Variants in MYOM2 observed in about 807,000 individuals in gnomAD.
MYOM2 encodes myomesin 2.
Under a neutral mutation model 187.6 loss-of-function variants are expected in MYOM2, and 254 were observed. The ratio of observed to expected loss-of-function variants is 1.35; its 90% CI spans 1.22 to 1.50. MYOM2 has a LOEUF of 1.50. Among genes scored for constraint, MYOM2 ranks in the 40% most tolerant of loss-of-function variants. The pLI, the probability that MYOM2 is intolerant of heterozygous loss-of-function variation, is 0.00. For missense variants in MYOM2, 2,796 were observed against 1,924.0 expected (o/e 1.45, Z -8.48); for synonymous variants, 981 against 753.8 (o/e 1.30, Z -4.94).
intron 27 of MYOM2, 80 bp from the exon 28 acceptor site, chr8:2,117,805 G>GTA (rs148658635): frequency 1.3e-4 from 111 of 868,742 alleles, no homozygotes; most frequent in South Asian, 1.8e-4. Flanking sequence ...ATATGTGTGG[G>GTA]TATATATATA....
chr8:2,124,091 T>C lies in MYOM2; in HGVS notation c.3656-88T>C, dbSNP rs1472509044. ...TCATTTTTCAACTGAACATCACAAT[T>C]TCCTGCATCGATTTAATTAAACATT... On this transcript the variant is annotated intron_variant, in intron 30 of 36. Transcript: ENST00000262113. 58 of 1,310,766 alleles carry C rather than the reference T, an allele frequency of 4.4e-5. No individual in the cohort carries two copies. In the East Asian group the frequency reaches 1.4e-3, roughly 31 times the overall value. The allele number at this position is 1,310,766 out of a possible 1,614,324, so 81.2% of individuals were successfully genotyped here.
At chr8:2,045,834 A>G (rs1156422571) in intron 1 of MYOM2, among the ~76,000 whole-genome samples, 1 of 152,146 alleles carries the variant, frequency 6.6e-6, no homozygotes, top group East Asian at 1.9e-4. Context: ...CCTGCTGGAG[A>G]AAGACAGTGG....
chr8:2,127,494 T>A (rs965723203), intron 31 of MYOM2, among the ~76,000 whole-genome samples: 3 of 152,226 alleles, frequency 2.0e-5, no homozygotes, highest in African/African-American at 7.2e-5. Context: ...TCCTCCCCTG[T>A]TGTCCCTCAG....
At position 2,140,847 on chromosome 8, in the gene MYOM2, A is replaced by C; in HGVS notation, c.3925A>C (p.Lys1309Gln). 6.2e-7 allele frequency: 1 copy of C among 1,614,156 alleles called. No individual in the cohort carries two copies. Among genetic ancestry groups the C allele is most frequent in the East Asian group, 2.2e-5 (1 of 44,886 alleles). Reference sequence around the variant, plus strand: ...ATACACTTTTGAGATTTTCGATGGCAAAGACAACCATCAACGCTCCCTTGA... The same window carrying C: ...ATACACTTTTGAGATTTTCGATGGCCAAGACAACCATCAACGCTCCCTTGA... The part of the protein sequence containing the change: ...GKYTFEIFDG[K>Q]DNHQRSLDLS... Residue 1309 changes from lysine to glutamine, a missense_variant, in exon 33 of 37, where the codon AAA (lysine) becomes CAA (glutamine). By Grantham distance (53) the Lys-to-Gln change is moderately conservative (BLOSUM62 1). Coordinates refer to ENST00000262113, the MANE Select transcript of MYOM2 (RefSeq NM_003970.4).
intron 31 of MYOM2, among the ~76,000 whole-genome samples, chr8:2,125,604 C>CTTTTTTT (rs35137852): frequency 1.5e-4 from 13 of 89,300 alleles, no homozygotes; most frequent in African/African-American, 2.1e-4. Flanking sequence ...ATTATTTTTC[C>CTTTTTTT]TTTTTTTTTT....
At chr8:2,137,050 T>A (rs3779824) in intron 32 of MYOM2, among the ~76,000 whole-genome samples, 1 of 151,672 alleles carries the variant, frequency 6.6e-6, no homozygotes, top group African/African-American at 2.4e-5. Context: ...CACGGAAGAA[T>A]TTCTAGTCTC....
intron 21 of MYOM2, 106 bp downstream of exon 21, chr8:2,102,887 G>A (rs899776296): frequency 6.9e-6 from 6 of 869,912 alleles, no homozygotes; most frequent in African/African-American, 6.6e-5. Flanking sequence ...GTGGGAGAGT[G>A]AACACGTGTT....
intron 17 of MYOM2, among the ~76,000 whole-genome samples, chr8:2,094,300 A>T (rs1259306117): frequency 6.6e-6 from 1 of 152,102 alleles, no homozygotes; most frequent in African/African-American, 2.4e-5. Context: ...TAATACACTA[A>T]TAAAACGCAA....
chr8:2,098,408 G>C (rs1489845244), intron 18 of MYOM2, among the ~76,000 whole-genome samples: 1 of 152,164 alleles, frequency 6.6e-6, no homozygotes, highest in Non-Finnish European at 1.5e-5. Context: ...TCCAAGTATG[G>C]GGGACGTGGT....
chr8:2,053,995 CTAT>C (rs1818574901), intron 3 of MYOM2, among the ~76,000 whole-genome samples: 2 of 152,164 alleles, frequency 1.3e-5, no homozygotes, highest in African/African-American at 4.8e-5. Context: ...GAAGCCTGCT[CTAT>C]CACCGTCATG....
At position 2,116,115 on chromosome 8, in the gene MYOM2, T is replaced by C. The variant is rs1797234491; in HGVS notation, c.3325+11T>C. ...TTCTTATTGGAGATGGTATGCTATA[T>C]CGAATATTTCCACGTCCATACAAGA... On this transcript the variant is annotated intron_variant, in intron 26 of 36. Transcript: ENST00000262113. 6.4e-7 allele frequency: 1 copy of C among 1,551,734 alleles called. No homozygotes were observed. The highest frequency in any genetic ancestry group is 8.6e-7 in the Non-Finnish European group (1 of 1,159,862).
intron 32 of MYOM2, among the ~76,000 whole-genome samples, chr8:2,135,122 A>C (rs1044830352): frequency 1.3e-5 from 2 of 152,096 alleles, no homozygotes; most frequent in African/African-American, 4.8e-5. Context: ...GCTCTCACCT[A>C]CTGTTGTTGT....
At chr8:2,139,642 A>G (rs563585719) in intron 32 of MYOM2, among the ~76,000 whole-genome samples, 6 of 152,258 alleles carry the variant, frequency 3.9e-5, no homozygotes, top group South Asian at 4.1e-4. Flanking sequence ...TGCTTCCCCA[A>G]GCTGCGGCTG....
chr8:2,137,078 C>G (rs1383433992), intron 32 of MYOM2, among the ~76,000 whole-genome samples: 1 of 151,762 alleles, frequency 6.6e-6, no homozygotes, highest in Non-Finnish European at 1.5e-5. Context: ...TTCTCACACA[C>G]ACACATATAC....
At chr8:2,131,986 T>A (rs1193398403) in intron 32 of MYOM2, among the ~76,000 whole-genome samples, 1 of 152,206 alleles carries the variant, frequency 6.6e-6, no homozygotes, top group Non-Finnish European at 1.5e-5. Flanking sequence ...CTATAAGACC[T>A]TAACTTCTTA....
intron 18 of MYOM2, chr8:2,097,902 G>A (rs1796547838): frequency 6.6e-6 from 1 of 152,226 alleles, no homozygotes; most frequent in African/African-American, 2.4e-5. Context: ...CAGGAAGCAC[G>A]AGAACTCGCC....
intron 32 of MYOM2, among the ~76,000 whole-genome samples, chr8:2,131,073 C>T (rs1453252178): frequency 6.6e-6 from 1 of 152,140 alleles, no homozygotes; most frequent in Non-Finnish European, 1.5e-5. Flanking sequence ...GTAGTACAGG[C>T]CATGCGCTGT....
intron 25 of MYOM2, among the ~76,000 whole-genome samples, chr8:2,115,274 C>T (rs1037699231): frequency 6.6e-6 from 1 of 151,922 alleles, no homozygotes; most frequent in Non-Finnish European, 1.5e-5. Flanking sequence ...GTAAACATCA[C>T]AAAATCAGAG....
chr8:2,145,062 G>A lies in MYOM2; in HGVS notation c.*81G>A. 1.3e-6 allele frequency: 2 copies of A among 1,487,068 alleles called. No individual in the cohort carries two copies. Among genetic ancestry groups the A allele is most frequent in the Non-Finnish European group, 9.2e-7 (1 of 1,090,798 alleles). 92.1% of individuals were successfully genotyped at this position (1,487,068 alleles called of 1,614,324 possible). On this transcript the variant is annotated 3_prime_UTR_variant, in exon 37 of 37. Transcript: ENST00000262113. Reference sequence around the variant, plus strand: ...GTGTGCTTGTTCCAAATGAGCAGCTGGCATCCGAGTGGTGTCCTGTGTGGG... The same window carrying A: ...GTGTGCTTGTTCCAAATGAGCAGCTAGCATCCGAGTGGTGTCCTGTGTGGG...
Sources: gnomAD v4.1 joint callset for allele counts (sites outside exome capture counted in the v4.1 genomes callset) on GRCh38, gnomAD v4.1.1 for gene constraint, MANE v1.5 for transcripts, NCBI Gene and HGNC (gene_info 2026-07-23, HGNC 2026-07-21) for gene names.